ARHGAP20: variants seen among roughly 807,000 people sequenced by gnomAD.
ARHGAP20 encodes the protein rho GTPase-activating protein 20.
In ARHGAP20, 34 loss-of-function variants were observed where a neutral mutation model predicts 73.7. The ratio of observed to expected loss-of-function variants is 0.46; its 90% CI spans 0.35 to 0.61. ARHGAP20 has a LOEUF of 0.61. ARHGAP20 is among the 20% of genes least tolerant of loss of function. The pLI, the probability that ARHGAP20 is intolerant of heterozygous loss-of-function variation, is 0.00. For missense variants in ARHGAP20, 1,314 were observed against 1,420.9 expected (o/e 0.92, Z 1.21); for synonymous variants, 523 against 518.2 (o/e 1.01, Z -0.13).
At chr11:110,604,781 G>A (rs912618746) in intron 9 of ARHGAP20, among the ~76,000 whole-genome samples, 3 of 152,132 alleles carry the variant, frequency 2.0e-5, no homozygotes, top group South Asian at 2.1e-4. Flanking sequence ...TTGGTAAGAT[G>A]AGGGAGTCCC....
Position 110,579,252 on chromosome 11 carries a change from G to A in ARHGAP20, c.*118C>T, listed in dbSNP as rs1416264035. 1.0e-5 allele frequency: 15 copies of A among 1,431,672 alleles called. No homozygotes were observed. In the East Asian group the frequency reaches 2.8e-4, roughly 27 times the overall value. The allele number at this position is 1,431,672 out of a possible 1,614,324, so 88.7% of individuals were successfully genotyped here. On this transcript the variant is annotated 3_prime_UTR_variant, in exon 15 of 15. Transcript: ENST00000683387. ...AATTATTTCGTTGTCCTAAGTATTAGCAATGATAATCCTTATGCTACCTCT... is the reference window on the plus strand; with the variant it reads ...AATTATTTCGTTGTCCTAAGTATTAACAATGATAATCCTTATGCTACCTCT...
At chr11:110,600,562 A>T (rs1333975581) in intron 9 of ARHGAP20, among the ~76,000 whole-genome samples, 1 of 152,266 alleles carries the variant, frequency 6.6e-6, no homozygotes, top group Non-Finnish European at 1.5e-5. Context: ...GGCCAGTAGT[A>T]AGAGCCAAGT....
chr11:110,690,557 G>T lies in ARHGAP20; in HGVS notation c.178C>A (p.Pro60Thr). The T allele has an allele frequency of 6.2e-7, 1 of 1,613,888 alleles. No homozygotes were observed. Among genetic ancestry groups the T allele is most frequent in the Non-Finnish European group, 8.5e-7 (1 of 1,179,848 alleles). ...AAGCTTTGCACTTACCTGGTAGTAG[G>T]CCGTTTTTGTAGGGCTTTATCCAGG... ...LILDKALQKR[P>T]TTRDSPSASV... Residue 60 changes from proline to threonine, a missense_variant, in exon 2 of 15, where the codon CCT (proline) becomes ACT (threonine). Pro to Thr is a conservative substitution (Grantham distance 38). Coordinates refer to ENST00000683387, the MANE Select transcript of ARHGAP20 (RefSeq NM_001384657.1).
intron 3 of ARHGAP20, among the ~76,000 whole-genome samples, chr11:110,626,213 A>G (rs1418010574): frequency 6.6e-6 from 1 of 152,196 alleles, no homozygotes; most frequent in Non-Finnish European, 1.5e-5. Context: ...TTGTTTTCAC[A>G]TATTTTGTAT....
intron 1 of ARHGAP20, among the ~76,000 whole-genome samples, chr11:110,706,999 C>A (rs1440130056): frequency 6.6e-6 from 1 of 152,156 alleles, no homozygotes; most frequent in African/African-American, 2.4e-5. Flanking sequence ...GTATAAGACA[C>A]ACACATGGTC....
intron 1 of ARHGAP20, among the ~76,000 whole-genome samples, chr11:110,692,293 T>C (rs1012566378): frequency 6.6e-6 from 1 of 152,116 alleles, no homozygotes; most frequent in Non-Finnish European, 1.5e-5. Flanking sequence ...AAAGATTGGA[T>C]TGATTTTACT....
chr11:110,624,829 T>A (rs1509319), intron 3 of ARHGAP20, among the ~76,000 whole-genome samples: 1 of 152,164 alleles, frequency 6.6e-6, no homozygotes, highest in African/African-American at 2.4e-5. Context: ...TGCCTGCATT[T>A]ATGGCAAGAA....
chr11:110,663,642 C>A (rs1030698240), intron 2 of ARHGAP20, among the ~76,000 whole-genome samples: 27 of 152,122 alleles, frequency 1.8e-4, no homozygotes, highest in African/African-American at 5.5e-4. Context: ...CACGCCCAAA[C>A]AGCTTAACAG....
intron 1 of ARHGAP20, among the ~76,000 whole-genome samples, chr11:110,709,755 G>T (rs189162730): frequency 2.6e-5 from 4 of 152,318 alleles, no homozygotes; most frequent in Admixed American, 2.6e-4. Context: ...GGTGGCAGAA[G>T]TAGACAGGGC....
chr11:110,639,006 T>TA (rs1010713004), intron 2 of ARHGAP20, among the ~76,000 whole-genome samples: 3 of 151,854 alleles, frequency 2.0e-5, no homozygotes, highest in African/African-American at 7.3e-5. Flanking sequence ...ATAATAATAA[T>TA]AAAAAAAGAA....
chr11:110,686,981 G>A (rs1177822928), intron 2 of ARHGAP20, among the ~76,000 whole-genome samples: 2 of 149,048 alleles, frequency 1.3e-5, no homozygotes, highest in Admixed American at 6.7e-5. Flanking sequence ...CTAGCATTAT[G>A]CACCCTAATT....
intron 9 of ARHGAP20, among the ~76,000 whole-genome samples, chr11:110,600,786 A>G (rs943433999): frequency 6.6e-6 from 1 of 152,142 alleles, no homozygotes; most frequent in African/African-American, 2.4e-5. Context: ...AACCTCCACA[A>G]TTAACACTAG....
intron 1 of ARHGAP20, among the ~76,000 whole-genome samples, chr11:110,692,095 T>C (rs1212696644): frequency 6.6e-6 from 1 of 152,120 alleles, no homozygotes; most frequent in Non-Finnish European, 1.5e-5. Flanking sequence ...CTAGTTTATA[T>C]ATTATAGCGT....
At chr11:110,586,430 C>T (rs1334678340) in intron 11 of ARHGAP20, 105 bp from the exon 12 acceptor site, 2 of 558,334 alleles carry the variant, frequency 3.6e-6, no homozygotes, top group Non-Finnish European at 6.1e-6. Context: ...TACGTACTCT[C>T]TTCTGTGAAC....
rs149243588 is a variant in ARHGAP20, at chr11:110,708,002, C to T, written c.105+4125G>A. Among the ~76,000 whole-genome samples the T allele has an allele frequency of 8.2e-3, 1,243 of 151,386 alleles. 23 individuals are homozygous for T. Among genetic ancestry groups the T allele is most frequent in the African/African-American group, 0.028 (1,168 of 41,306 alleles). ...AAAAAAATGACAAATTGTATTTCAC[C>T]AAAAATAAGAACTTCCGTTCTTTTG... On this transcript the variant is annotated intron_variant, in intron 1 of 14. Transcript: ENST00000683387.
chr11:110,614,540 T>G, intron 6 of ARHGAP20, 21 bp downstream of exon 6: 2 of 1,597,108 alleles, frequency 1.3e-6, no homozygotes, highest in Non-Finnish European at 1.7e-6. Flanking sequence ...GAATTTAATT[T>G]TCTGGCTTAG....
chr11:110,642,698 C>T (rs7117746), intron 2 of ARHGAP20, among the ~76,000 whole-genome samples: 46,542 of 151,798 alleles, frequency 0.31, 8,068 homozygotes, highest in African/African-American at 0.48. Flanking sequence ...AGTATTTTGT[C>T]GAGGATTTTT....
intron 2 of ARHGAP20, among the ~76,000 whole-genome samples, chr11:110,685,993 C>T (rs1477248245): frequency 6.6e-6 from 1 of 152,008 alleles, no homozygotes; most frequent in Non-Finnish European, 1.5e-5. Context: ...TCTTGGACTT[C>T]AGAAATTTCT....
chr11:110,652,542 AG>A (rs1380499169), intron 2 of ARHGAP20, among the ~76,000 whole-genome samples: 1 of 152,196 alleles, frequency 6.6e-6, no homozygotes. Flanking sequence ...CAAAGTCTTC[AG>A]GATATAAAAT....
Sources: allele counts gnomAD v4.1 joint callset (sites outside exome capture counted in the v4.1 genomes callset), GRCh38; gene constraint gnomAD v4.1.1; transcripts MANE v1.5; gene names NCBI Gene and HGNC (gene_info 2026-07-23, HGNC 2026-07-21).